The following PTPRC variants were observed in gnomAD, a reference collection of about 807,000 sequenced individuals.
PTPRC encodes the protein receptor-type tyrosine-protein phosphatase C.
A neutral mutation model predicts 155.9 loss-of-function variants in PTPRC; 44 were observed. The ratio of observed to expected loss-of-function variants is 0.28; its 90% confidence interval spans 0.22 to 0.36. PTPRC has a LOEUF of 0.36. Among genes scored for constraint, PTPRC ranks in the 10% least tolerant of loss-of-function variants. The pLI is 1.00. For missense variants in PTPRC, 1,401 were observed against 1,564.6 expected, an observed-to-expected ratio of 0.90 and a Z score of 1.76; for synonymous variants, 525 against 533.1, an observed-to-expected ratio of 0.98 and a Z score of 0.21.
chr1:198,752,391 A>C lies in PTPRC; in HGVS notation c.3330+20A>C. ...TCCAAGGTATGGAAACAATTTGGGGAGTATATTTCTTTGATATAATGGATC... is the reference window on the plus strand; with the variant it reads ...TCCAAGGTATGGAAACAATTTGGGGCGTATATTTCTTTGATATAATGGATC... On this transcript the variant is annotated intron_variant, in intron 30 of 32. Coordinates refer to ENST00000442510, the MANE Select transcript of PTPRC (RefSeq NM_002838.5). 1 of 1,611,988 alleles carries C rather than the reference A, an allele frequency of 6.2e-7. No homozygotes were observed. Among genetic ancestry groups the C allele is most frequent in the African/African-American group, 1.3e-5 (1 of 74,934 alleles).
Position 198,734,219 on chromosome 1 carries a change from C to T in PTPRC, c.2166C>T (p.Tyr722=). 2 of 1,610,830 alleles carry T rather than the reference C, an allele frequency of 1.2e-6. No homozygotes were observed. The highest frequency in any genetic ancestry group is 1.7e-6 in the Non-Finnish European group (2 of 1,177,884). The change falls in exon 21 of 33, where the codon TAC becomes TAT. Residue 722 remains tyrosine, a synonymous_variant. Transcript: ENST00000442510. ...AGGGTTTCAAAGAACCCAGGAAATA[C>T]ATTGCTGCACAAGGTAATTTCTTTG... is the stretch of plus-strand genomic sequence containing the variant. ...YIDGFKEPRK[Y]IAAQGPRDET... is the part of the protein sequence containing the mutation.
In PTPRC at chr1:198,756,408, AAAC is replaced by A. The variant is rs760442928; in HGVS notation, c.*231_*233del. 3.7e-4 allele frequency: 216 copies of A among 581,078 alleles called. No homozygotes were observed. The highest frequency in any genetic ancestry group is 9.5e-4 in the Middle Eastern group (2 of 2,106). 36.0% of individuals were successfully genotyped at this position (581,078 alleles called of 1,614,324 possible). A position where few individuals can be genotyped will look rare whatever the true frequency, so the allele number is the denominator to read the frequency against. ...AAAATTTTATCTCTTATTCAGTAAA[AAAC>A]AACTTCTTTGTAATCGTTATGTGTG... On this transcript the variant is annotated 3_prime_UTR_variant, in exon 33 of 33. Transcript: ENST00000442510.
At chr1:198,652,392 G>T (rs72738017) in intron 2 of PTPRC, among the ~76,000 whole-genome samples, 1 of 151,742 alleles carries the variant, frequency 6.6e-6, no homozygotes, top group Non-Finnish European at 1.5e-5. Flanking sequence ...CGTGCATGTA[G>T]GCACTATCAT....
At chr1:198,750,741 T>C in intron 29 of PTPRC, 115 bp downstream of exon 29, 1 of 1,317,466 alleles carries the variant, frequency 7.6e-7, no homozygotes, top group African/African-American at 1.5e-5. Flanking sequence ...CTCCATCACA[T>C]AATTCTGTCT....
rs867776290 is a variant in PTPRC, at chr1:198,709,711, A to C, written c.1058A>C (p.Glu353Ala). 17 of 1,591,770 alleles carry C rather than the reference A, an allele frequency of 1.1e-5. No homozygotes were observed. In the African/African-American group the frequency reaches 2.2e-4, roughly 20 times the overall value. The change falls in exon 11 of 33, where the codon GAA (glutamate) becomes GCA (alanine). Residue 353 changes from glutamate to alanine, a missense_variant. By Grantham distance (107) the Glu-to-Ala change is moderately radical. Around this residue, in one of 3 missense-constraint regions of PTPRC, gnomAD observed 867 missense variants for 970.4 expected, o/e 0.89. Coordinates refer to ENST00000442510, the MANE Select transcript of PTPRC (RefSeq NM_002838.5). Reference sequence around the variant, plus strand: ...GGTAATATGATATTTGATAATAAAGAAATTAAATTAGAAAACCTTGAACCC... The same window carrying C: ...GGTAATATGATATTTGATAATAAAGCAATTAAATTAGAAAACCTTGAACCC... ...QCGNMIFDNK[E>A]IKLENLEPEH...
At position 198,696,709 on chromosome 1, in the gene PTPRC, C is replaced by G. The variant is rs896355135; in HGVS notation, c.101-3C>G. The G allele has an allele frequency of 4.4e-5, 71 of 1,611,736 alleles. No individual in the cohort carries two copies. Among genetic ancestry groups the G allele is most frequent in the Non-Finnish European group, 5.9e-5 (70 of 1,178,028 alleles). ...CCTTCTCCCATTTTCCATTAATTAA[C>G]AGGATTGACTACAGCAAAGATGCCC... is the stretch of plus-strand genomic sequence containing the variant. On this transcript the variant is annotated splice_polypyrimidine_tract_variant and splice_region_variant and intron_variant, in intron 3 of 32. Coordinates refer to ENST00000442510, the MANE Select transcript of PTPRC (RefSeq NM_002838.5).
rs199705589 is a variant in PTPRC, at chr1:198,702,516, C to T, written c.569C>T (p.Thr190Ile). Reference protein sequence around the residue: ...LPARTSNTTITANTSDAYLNA... With the variant: ...LPARTSNTTIIANTSDAYLNA... The stretch of plus-strand genomic sequence containing the variant: ...GCACGCACCTCCAACACCACCATCA[C>T]AGCGAACACCTCAGGTCTGACTATG... The change falls in exon 6 of 33, where the codon ACA becomes ATA. Residue 190 changes from threonine to isoleucine, a missense_variant. Around this residue, in one of 3 missense-constraint regions of PTPRC, gnomAD observed 867 missense variants for 970.4 expected, o/e 0.89. Coordinates refer to ENST00000442510, the MANE Select transcript of PTPRC (RefSeq NM_002838.5). 5.0e-6 allele frequency: 8 copies of T among 1,614,220 alleles called. No individual in the cohort carries two copies. The Admixed American group carries it at 6.7e-5, about 13-fold the overall frequency.
chr1:198,660,898 C>T (rs1663926530), intron 2 of PTPRC, among the ~76,000 whole-genome samples: 1 of 152,182 alleles, frequency 6.6e-6, no homozygotes, highest in South Asian at 2.1e-4. Context: ...CTAACTTTCA[C>T]ACCAGGCTTA....
At chr1:198,706,155 T>A (rs1160444223) in intron 8 of PTPRC, among the ~76,000 whole-genome samples, 3 of 152,210 alleles carry the variant, frequency 2.0e-5, no homozygotes, top group Admixed American at 2.0e-4. Flanking sequence ...TGTAAAGATA[T>A]TTTTATCAGT....
chr1:198,679,819 C>T (rs1665197301), intron 2 of PTPRC: 1 of 553,798 alleles, frequency 1.8e-6, no homozygotes, highest in East Asian at 3.1e-5. Flanking sequence ...GGGCTTCTTC[C>T]TGCCGGGAGC....
chr1:198,677,364 A>T (rs1278756143), intron 2 of PTPRC, among the ~76,000 whole-genome samples: 4 of 152,092 alleles, frequency 2.6e-5, no homozygotes, highest in Non-Finnish European at 2.9e-5. Flanking sequence ...TTCCAGAAAG[A>T]TTTCTAGCAC....
At chr1:198,722,387 T>C (rs1012326443) in intron 14 of PTPRC, 29 bp from the exon 15 acceptor site, 4 of 1,287,824 alleles carry the variant, frequency 3.1e-6, no homozygotes, top group Non-Finnish European at 4.1e-6. Flanking sequence ...AGCAAACTAA[T>C]TATTTTATTT....
intron 28 of PTPRC, among the ~76,000 whole-genome samples, chr1:198,749,827 A>C (rs539966372): frequency 1.3e-5 from 2 of 151,860 alleles, no homozygotes; most frequent in African/African-American, 4.8e-5. Context: ...AAATAGTAAA[A>C]TTTGAGCAAA....
At chr1:198,700,999 A>C (rs558036092) in intron 5 of PTPRC, among the ~76,000 whole-genome samples, 1 of 152,274 alleles carries the variant, frequency 6.6e-6, no homozygotes, top group East Asian at 1.9e-4. Context: ...AGAAGGTGGA[A>C]AAAAGCTGAT....
At chr1:198,684,238 A>G (rs567776505) in intron 2 of PTPRC, among the ~76,000 whole-genome samples, 19 of 151,466 alleles carry the variant, frequency 1.3e-4, no homozygotes, top group African/African-American at 4.6e-4. Context: ...GTTAATCAAC[A>G]TGCCTGAAAT....
chr1:198,702,298 C>G (rs1666498492), intron 5 of PTPRC, 89 bp from the exon 6 acceptor site: 8 of 1,531,060 alleles, frequency 5.2e-6, no homozygotes, highest in Non-Finnish European at 7.2e-6. Context: ...TCTGCCTTAT[C>G]TTTAGTAATT....
At chr1:198,642,688 TA>T (rs367927636) in intron 2 of PTPRC, among the ~76,000 whole-genome samples, 2 of 151,998 alleles carry the variant, frequency 1.3e-5, no homozygotes, top group African/African-American at 4.8e-5. Flanking sequence ...TTCTCACCTG[TA>T]AAATTGTAAT....
In PTPRC at chr1:198,754,532, C is replaced by T. The variant is rs989148171; in HGVS notation, c.3645+128C>T. The T allele has an allele frequency of 4.9e-5, 54 of 1,109,520 alleles. 1 individual carries two copies. The Admixed American group carries it at 1.2e-3, about 24-fold the overall frequency. The allele number at this position is 1,109,520 out of a possible 1,614,324, so 68.7% of individuals were successfully genotyped here. A position where few individuals can be genotyped will look rare whatever the true frequency, so the allele number is the denominator to read the frequency against. On this transcript the variant is annotated intron_variant, in intron 32 of 32. Transcript: ENST00000442510. ...TTTTTCCCCTTTCCTTTTCTCTTCT[C>T]TATTTTCTTTCCTATTCTTTTAGCT...
At chr1:198,645,715 G>A (rs1460525747) in intron 2 of PTPRC, among the ~76,000 whole-genome samples, 1 of 151,724 alleles carries the variant, frequency 6.6e-6, no homozygotes, top group Non-Finnish European at 1.5e-5. Flanking sequence ...GCAGATAAAG[G>A]GATAGTTTAA....
Sources: allele counts gnomAD v4.1 joint callset (sites outside exome capture counted in the v4.1 genomes callset), GRCh38; gene constraint gnomAD v4.1.1; regional missense constraint gnomAD v4.1.1; transcripts MANE v1.5; gene names NCBI Gene and HGNC (gene_info 2026-07-23, HGNC 2026-07-21).